CEP70: variants seen among roughly 807,000 people sequenced by gnomAD.
CEP70 encodes centrosomal protein 70, also known as centrosomal protein of 70 kDa.
In CEP70, 70 loss-of-function variants were observed where a neutral mutation model predicts 90.9. The observed-to-expected ratio is 0.77, with a 90% CI of 0.64 to 0.94. CEP70 has a LOEUF of 0.94. CEP70 is among the 40% of genes least tolerant of loss of function. CEP70 has a pLI of 0.00. For missense variants in CEP70, 648 were observed against 669.0 expected (o/e 0.97, Z 0.35); for synonymous variants, 220 against 228.3 (o/e 0.96, Z 0.33).
chr3:138,529,421 T>C lies in CEP70; in HGVS notation c.734A>G (p.Asp245Gly). 1 of 1,612,380 alleles carries C rather than the reference T, an allele frequency of 6.2e-7. No homozygotes were observed. Among genetic ancestry groups the C allele is most frequent in the Non-Finnish European group, 8.5e-7 (1 of 1,178,962 alleles). Reference sequence around the variant, plus strand: ...TGGTGAGGCATCCAGATTTCTGTAGTCGTTTTCTTCTTCTGACTGACTTTC... The same window carrying C: ...TGGTGAGGCATCCAGATTTCTGTAGCCGTTTTCTTCTTCTGACTGACTTTC... ...EDESQSEEENDYRNLDASPTY... is the reference protein window; with the variant it reads ...EDESQSEEENGYRNLDASPTY... Residue 245 changes from aspartate (D) to glycine (G), a missense_variant, in exon 9 of 18, where the codon GAC becomes GGC. By Grantham distance (94) the Asp-to-Gly change is moderately conservative. Coordinates refer to ENST00000264982, the MANE Select transcript of CEP70 (RefSeq NM_024491.4).
At chr3:138,516,783 G>A (rs750711650) in intron 11 of CEP70, among the ~76,000 whole-genome samples, 7 of 151,420 alleles carry the variant, frequency 4.6e-5, no homozygotes, top group Non-Finnish European at 8.8e-5. Context: ...CAGAGCTGTC[G>A]CTGAAAACTG....
At chr3:138,576,760 C>G (rs1388580904) in intron 2 of CEP70, among the ~76,000 whole-genome samples, 1 of 152,202 alleles carries the variant, frequency 6.6e-6, no homozygotes, top group African/African-American at 2.4e-5. Context: ...GTCTCTCAGA[C>G]CACAGTGCAG....
chr3:138,564,743 C>G lies in CEP70; in HGVS notation c.465+5575G>C, dbSNP rs189711295. Among the ~76,000 whole-genome samples, 215 of 152,258 alleles carry G rather than the reference C, an allele frequency of 1.4e-3. 1 individual carries two copies. The highest frequency in any genetic ancestry group is 5.0e-3 in the African/African-American group (207 of 41,544). Reference sequence around the variant, plus strand: ...ATGACAACCCACACCCAATATCATACTGAATGGGCAAAAACCAGAAGCACT... The same window carrying G: ...ATGACAACCCACACCCAATATCATAGTGAATGGGCAAAAACCAGAAGCACT... On this transcript the variant is annotated intron_variant, in intron 6 of 17. Transcript: ENST00000264982.
chr3:138,563,288 C>A (rs1455059635), intron 6 of CEP70, among the ~76,000 whole-genome samples: 2 of 152,068 alleles, frequency 1.3e-5, no homozygotes, highest in South Asian at 2.1e-4. Flanking sequence ...TTAGACAGAT[C>A]AATGAGACAG....
chr3:138,511,169 C>A (rs1324929479), intron 11 of CEP70, among the ~76,000 whole-genome samples: 2 of 152,164 alleles, frequency 1.3e-5, no homozygotes, highest in Non-Finnish European at 2.9e-5. Context: ...CCGTGCCCCC[C>A]CAGTCCTAAC....
At chr3:138,537,855 C>T (rs982085948) in intron 6 of CEP70, among the ~76,000 whole-genome samples, 1 of 152,030 alleles carries the variant, frequency 6.6e-6, no homozygotes, top group Non-Finnish European at 1.5e-5. Context: ...TTCACTTCCC[C>T]CAACAGAAAA....
intron 11 of CEP70, among the ~76,000 whole-genome samples, chr3:138,516,436 A>G (rs1424171698): frequency 6.6e-6 from 1 of 151,994 alleles, no homozygotes; most frequent in East Asian, 1.9e-4. Flanking sequence ...CCCAGGCTGG[A>G]GTGCAGTGGT....
intron 1 of CEP70, 122 bp downstream of exon 1, chr3:138,594,076 C>T (rs1433314569): frequency 1.3e-5 from 2 of 152,304 alleles, no homozygotes; most frequent in Non-Finnish European, 2.9e-5. Context: ...CGACCCTGTC[C>T]CAGATGGCTC....
At chr3:138,519,051 C>A (rs1216705580) in intron 11 of CEP70, among the ~76,000 whole-genome samples, 1 of 152,012 alleles carries the variant, frequency 6.6e-6, no homozygotes, top group Non-Finnish European at 1.5e-5. Flanking sequence ...GCCTCAGTAG[C>A]CGATTCGATC....
intron 2 of CEP70, among the ~76,000 whole-genome samples, chr3:138,590,216 A>G (rs2042312267): frequency 6.6e-6 from 1 of 152,200 alleles, no homozygotes; most frequent in Non-Finnish European, 1.5e-5. Context: ...CAGAATAATG[A>G]GTAAATATGG....
At chr3:138,568,924 A>G (rs932394427) in intron 6 of CEP70, among the ~76,000 whole-genome samples, 2 of 151,934 alleles carry the variant, frequency 1.3e-5, no homozygotes, top group East Asian at 3.9e-4. Flanking sequence ...GGTTGCAGTG[A>G]GCCTAGATCA....
chr3:138,542,627 C>T (rs1012658752), intron 6 of CEP70, among the ~76,000 whole-genome samples: 8 of 152,210 alleles, frequency 5.3e-5, no homozygotes, highest in Non-Finnish European at 1.2e-4. Context: ...TATGATGTGA[C>T]AGCACCTCTG....
At chr3:138,542,911 C>G (rs551016274) in intron 6 of CEP70, among the ~76,000 whole-genome samples, 1 of 152,284 alleles carries the variant, frequency 6.6e-6, no homozygotes, top group African/African-American at 2.4e-5. Flanking sequence ...AGCTCCTATC[C>G]ACAGTCAGGT....
chr3:138,510,719 C>A (rs114113410), intron 11 of CEP70, among the ~76,000 whole-genome samples: 2 of 152,036 alleles, frequency 1.3e-5, no homozygotes, highest in African/African-American at 2.4e-5. Context: ...CTACAGTAGT[C>A]CCCCCTTGTC....
At chr3:138,558,372 A>T (rs1407950185) in intron 6 of CEP70, among the ~76,000 whole-genome samples, 10 of 152,172 alleles carry the variant, frequency 6.6e-5, no homozygotes, top group Admixed American at 6.5e-4. Context: ...CTCAAAAAAG[A>T]AAAGAAAAAG....
chr3:138,576,773 A>C (rs527709478), intron 2 of CEP70, among the ~76,000 whole-genome samples: 86 of 152,378 alleles, frequency 5.6e-4, no homozygotes, highest in African/African-American at 2.0e-3. Context: ...CAGTGCAGTC[A>C]AATTAGAACT....
At chr3:138,551,741 C>A (rs1401296359) in intron 6 of CEP70, among the ~76,000 whole-genome samples, 5 of 127,398 alleles carry the variant, frequency 3.9e-5, no homozygotes, top group Admixed American at 7.6e-5. Context: ...AGTGAAACTC[C>A]ATCTAAAAAA....
intron 6 of CEP70, among the ~76,000 whole-genome samples, chr3:138,542,582 C>T (rs777943403): frequency 3.9e-4 from 59 of 152,230 alleles, no homozygotes; most frequent in Non-Finnish European, 7.1e-4. Flanking sequence ...CATTGCATGG[C>T]GCAGCCACCA....
chr3:138,512,523 T>C (rs1202605905), intron 11 of CEP70, among the ~76,000 whole-genome samples: 2 of 152,142 alleles, frequency 1.3e-5, no homozygotes, highest in African/African-American at 4.8e-5. Context: ...TGTTCTACAG[T>C]ATCCAGAGCA....
Sources: gnomAD v4.1 joint callset for allele counts (sites outside exome capture counted in the v4.1 genomes callset) on GRCh38, gnomAD v4.1.1 for gene constraint, MANE v1.5 for transcripts, NCBI Gene and HGNC (gene_info 2026-07-23, HGNC 2026-07-21) for gene names.